Variants in MYH6 observed in about 807,000 individuals in gnomAD.
The protein encoded by MYH6 is myosin heavy chain 6.
In MYH6, 126 loss-of-function variants were observed where a neutral mutation model predicts 223.2. The observed-to-expected ratio is 0.56, with a 90% CI of 0.49 to 0.65. The LOEUF (loss-of-function observed/expected upper bound fraction) is 0.65, where lower values mean the gene tolerates loss of function less well. Among genes scored for constraint, MYH6 ranks in the 30% least tolerant of loss-of-function variants. The pLI, the probability that MYH6 is intolerant of heterozygous loss-of-function variation, is 0.00. For missense variants in MYH6, 2,040 were observed against 2,536.4 expected, an observed-to-expected ratio of 0.80 and a Z score of 4.20; for synonymous variants, 978 against 1,010.2, an observed-to-expected ratio of 0.97 and a Z score of 0.61.
intron 19 of MYH6, 78 bp downstream of exon 19, chr14:23,396,616 T>A (rs564157267): frequency 6.2e-7 from 1 of 1,611,516 alleles, no homozygotes; most frequent in South Asian, 1.1e-5. Context: ...GAATTAGGCT[T>A]CTGCCTCCTA....
chr14:23,390,609 G>A (rs1891211316), intron 25 of MYH6, among the ~76,000 whole-genome samples, 163 bp from the exon 26 acceptor site: 1 of 152,188 alleles, frequency 6.6e-6, no homozygotes, highest in African/African-American at 2.4e-5. Context: ...TGATTGTCAT[G>A]TCTTGGTGGG....
In MYH6 at chr14:23,393,045, G is replaced by A. The variant is rs368497504; in HGVS notation, c.3118C>T (p.Leu1040=). ...EQQVDDLEGS[L]EQEKKVRMDL... ...ATGCGCACCTTCTTCTCTTGCTCTA[G>A]GGATCCCTCCAGCTGTTGGAGGGAA... Residue 1040 remains leucine, a synonymous_variant, in exon 24 of 39, where the codon CTA becomes TTA. Transcript: ENST00000405093. 1.1e-4 allele frequency: 177 copies of A among 1,614,064 alleles called. No individual in the cohort carries two copies. Among genetic ancestry groups the A allele is most frequent in the Non-Finnish European group, 1.2e-4 (137 of 1,180,038 alleles).
intron 15 of MYH6, among the ~76,000 whole-genome samples, 193 bp downstream of exon 15, chr14:23,398,535 A>T (rs572833619): frequency 8.6e-5 from 13 of 151,978 alleles, no homozygotes; most frequent in Non-Finnish European, 1.2e-4. Context: ...CTATATCAAC[A>T]CTCATAACAC....
intron 25 of MYH6, among the ~76,000 whole-genome samples, chr14:23,391,348 C>T (rs768421192): frequency 1.3e-5 from 2 of 152,190 alleles, no homozygotes; most frequent in Non-Finnish European, 2.9e-5. Context: ...GAAGGAGGAG[C>T]CATAGCCTAT....
rs1221181076 is a variant in MYH6, at chr14:23,404,837, G to C, written c.531-15C>G. ...CGGATTCTCCCCTGGGGGCCACAGAGACCAATCAAAACTCAGGATTCCTAC... is the reference window on the plus strand; with the variant it reads ...CGGATTCTCCCCTGGGGGCCACAGACACCAATCAAAACTCAGGATTCCTAC... On this transcript the variant is annotated splice_polypyrimidine_tract_variant and intron_variant, in intron 6 of 38. Transcript: ENST00000405093. The C allele has an allele frequency of 6.2e-7, 1 of 1,609,872 alleles. No individual in the cohort carries two copies. The highest frequency in any genetic ancestry group is 1.7e-5 in the Admixed American group (1 of 60,016).
chr14:23,397,340 A>C lies in MYH6; in HGVS notation c.1963-83T>G, dbSNP rs189528611. ...AAACCCTGGTCCCCAGACACTCTCCACCAGAATCATCAAAGGGACAGGGGC... is the reference window on the plus strand; with the variant it reads ...AAACCCTGGTCCCCAGACACTCTCCCCCAGAATCATCAAAGGGACAGGGGC... On this transcript the variant is annotated intron_variant, in intron 16 of 38. Transcript: ENST00000405093. The C allele has an allele frequency of 5.0e-6, 7 of 1,407,132 alleles. No individual in the cohort carries two copies. In the Admixed American group the frequency reaches 1.0e-4, roughly 20 times the overall value. The allele number at this position is 1,407,132 out of a possible 1,614,324, so 87.2% of individuals were successfully genotyped here. A position where few individuals can be genotyped will look rare whatever the true frequency, so the allele number is the denominator to read the frequency against.
rs1357407746 is a variant in MYH6 at position 23,405,919 on chromosome 14, C to T, written c.202-149G>A. On this transcript the variant is annotated intron_variant, in intron 3 of 38. Transcript: ENST00000405093. This position sits in a 1 kb window ranked among gnomAD's most constrained non-coding sequence, Gnocchi z 4.7. ...TGCCCCGGCCCCTACCCCGATGTCC[C>T]CTGGGACACTTTCCCCAGGTAATTT... 2.2e-6 allele frequency: 2 copies of T among 913,710 alleles called. No individual in the cohort carries two copies. The highest frequency in any genetic ancestry group is 3.5e-6 in the Non-Finnish European group (2 of 571,782). The allele number at this position is 913,710 out of a possible 1,614,324, so 56.6% of individuals were successfully genotyped here. A position where few individuals can be genotyped will look rare whatever the true frequency, so the allele number is the denominator to read the frequency against.
chr14:23,389,979 T>C, intron 26 of MYH6, 78 bp downstream of exon 26: 9 of 1,611,394 alleles, frequency 5.6e-6, no homozygotes, highest in Non-Finnish European at 7.6e-6. Flanking sequence ...ACAAGGGAGA[T>C]GGCAGACAGA....
chr14:23,393,555 A>G, intron 22 of MYH6, 37 bp from the exon 23 acceptor site: 2 of 1,613,994 alleles, frequency 1.2e-6, no homozygotes, highest in Non-Finnish European at 1.7e-6. Flanking sequence ...AGGGTCAAAG[A>G]TCACCAGCCT....
At chr14:23,388,812 G>C in intron 29 of MYH6, 47 bp downstream of exon 29, 1 of 1,613,474 alleles carries the variant, frequency 6.2e-7, no homozygotes, top group South Asian at 1.1e-5. Context: ...AGGTCCTCTC[G>C]CCCCTTCCTC....
intron 20 of MYH6, among the ~76,000 whole-genome samples, chr14:23,395,196 G>T (rs963208912): frequency 1.3e-5 from 2 of 152,120 alleles, no homozygotes; most frequent in African/African-American, 4.8e-5. Flanking sequence ...ATGAATGGCT[G>T]GTTTTGATTA....
intron 29 of MYH6, chr14:23,388,614 C>T: frequency 1.2e-6 from 1 of 862,012 alleles, no homozygotes; most frequent in Non-Finnish European, 2.0e-6. Context: ...AAGCTTTTTG[C>T]TCGTCTTATA....
chr14:23,384,761 G>A lies in MYH6; in HGVS notation c.5290-44C>T, dbSNP rs763824148. ...TGGCAAGGAACATGGGCCAGGGGCC[G>A]GGGCCTTTTGCCCCCCAAGGATCTC... On this transcript the variant is annotated intron_variant, in intron 35 of 38. Transcript: ENST00000405093. 14 of 1,614,056 alleles carry A rather than the reference G, an allele frequency of 8.7e-6. No individual in the cohort carries two copies. In the Admixed American group the frequency reaches 1.0e-4, roughly 12 times the overall value.
chr14:23,404,828 G>A lies in MYH6; in HGVS notation c.531-6C>T, dbSNP rs755395894. On this transcript the variant is annotated splice_region_variant and splice_polypyrimidine_tract_variant and intron_variant, in intron 6 of 38. Transcript: ENST00000405093. Reference sequence around the variant, plus strand: ...TCCCCGCCCCGGATTCTCCCCTGGGGGCCACAGAGACCAATCAAAACTCAG... The same window carrying A: ...TCCCCGCCCCGGATTCTCCCCTGGGAGCCACAGAGACCAATCAAAACTCAG... 1.4e-5 allele frequency: 22 copies of A among 1,612,770 alleles called. No homozygotes were observed.
At chr14:23,386,693 A>G in intron 32 of MYH6, 70 bp from the exon 33 acceptor site, 1 of 1,522,500 alleles carries the variant, frequency 6.6e-7, no homozygotes. Flanking sequence ...ATGAGAAGAT[A>G]CACGGTGTCA....
intron 18 of MYH6, 67 bp downstream of exon 18, chr14:23,396,896 A>G (rs1891412361): frequency 6.2e-7 from 1 of 1,612,440 alleles, no homozygotes; most frequent in African/African-American, 1.3e-5. Context: ...TCACCTGCAG[A>G]TCCCATTCCC....
Position 23,386,528 on chromosome 14 carries a change from G to C in MYH6, c.4746C>G (p.Asp1582Glu), listed in dbSNP as rs781492953. ...TGCGCTTGGCCTGTTCCATCTCCTCGTCCTTCTCTGCCAGCTTCCGCTCGA... is the reference window on the plus strand; with the variant it reads ...TGCGCTTGGCCTGTTCCATCTCCTCCTCCTTCTCTGCCAGCTTCCGCTCGA... ...AEIERKLAEK[D>E]EEMEQAKRNH... The change falls in exon 33 of 39, where the codon GAC becomes GAG. Residue 1582 changes from aspartate to glutamate, a missense_variant. By Grantham distance (45) the Asp-to-Glu change is conservative. Transcript: ENST00000405093. 1.2e-5 allele frequency: 19 copies of C among 1,613,908 alleles called. No homozygotes were observed. Among genetic ancestry groups the C allele is most frequent in the Non-Finnish European group, 1.4e-5 (17 of 1,179,992 alleles).
intron 32 of MYH6, among the ~76,000 whole-genome samples, chr14:23,387,189 T>C (rs178641): frequency 0.99 from 150,306 of 152,310 alleles, 74,175 homozygotes; most frequent in East Asian, 1. Context: ...TGCCCAACGC[T>C]GCAGTGAAAG....
Position 23,400,281 on chromosome 14 carries a change from T to A in MYH6, c.1556A>T (p.Gln519Leu), listed in dbSNP as rs1170224049. ...CTTCTCGATGAGGTCAATGCAGGCCTGCAGGTCCATGCCAAAGTCAATGAA... is the reference window on the plus strand; with the variant it reads ...CTTCTCGATGAGGTCAATGCAGGCCAGCAGGTCCATGCCAAAGTCAATGAA... ...WTFIDFGMDL[Q>L]ACIDLIEKPM... Residue 519 changes from glutamine to leucine, a missense_variant, in exon 14 of 39, where the codon CAG (glutamine) becomes CTG (leucine). Transcript: ENST00000405093. The A allele has an allele frequency of 6.2e-7, 1 of 1,614,104 alleles. No homozygotes were observed. The highest frequency in any genetic ancestry group is 1.3e-5 in the African/African-American group (1 of 74,942).
Sources: allele counts gnomAD v4.1 joint callset (sites outside exome capture counted in the v4.1 genomes callset), GRCh38; gene constraint gnomAD v4.1.1; non-coding constraint Gnocchi (gnomAD v3.1); transcripts MANE v1.5; gene names NCBI Gene and HGNC (gene_info 2026-07-23, HGNC 2026-07-21).